Variants in CIMIP5 observed in about 807,000 individuals in gnomAD.
CIMIP5 encodes the protein ciliary microtubule inner protein 5, also known as uncharacterized protein C2orf50.
At chr2:11,139,080 G>C in the CIMIP5 span, among the ~76,000 whole-genome samples, 1 of 151,942 alleles carries the variant, frequency 6.6e-6, no homozygotes, top group Non-Finnish European at 1.5e-5. Context: ...ACCATGCCCG[G>C]CTAATTTTTG....
chr2:11,148,966 G>A, the CIMIP5 span, among the ~76,000 whole-genome samples: 7 of 151,192 alleles, frequency 4.6e-5, no homozygotes, highest in East Asian at 3.9e-4. Flanking sequence ...ACTCCTGACC[G>A]CAGGTGATCC....
At chr2:11,144,437 G>A in the CIMIP5 span, 4 of 194,210 alleles carry the variant, frequency 2.1e-5, no homozygotes, top group Middle Eastern at 3.8e-3. Flanking sequence ...TGACCCTGAT[G>A]AGCTGTGGGA....
the CIMIP5 span, chr2:11,133,280 G>GCT: frequency 7.8e-7 from 1 of 1,282,336 alleles, no homozygotes; most frequent in Non-Finnish European, 1.0e-6. Flanking sequence ...CTCAGGCACA[G>GCT]GTCTCTCTCT....
chr2:11,137,110 C>T, the CIMIP5 span, among the ~76,000 whole-genome samples: 4 of 152,224 alleles, frequency 2.6e-5, no homozygotes, highest in African/African-American at 9.6e-5. Context: ...CAATCGCTCA[C>T]ACCTATAATC....
chr2:11,151,309 A>G, the CIMIP5 span, among the ~76,000 whole-genome samples: 1 of 152,240 alleles, frequency 6.6e-6, no homozygotes, highest in Non-Finnish European at 1.5e-5. Context: ...AAACTTTTAA[A>G]TTGCTTGAGA....
At chr2:11,151,654 C>T in the CIMIP5 span, among the ~76,000 whole-genome samples, 88 of 152,220 alleles carry the variant, frequency 5.8e-4, no homozygotes, top group Non-Finnish European at 6.3e-4. Flanking sequence ...TGGTTTTAGA[C>T]GGAGTCTCGC....
chr2:11,142,158 C>T, the CIMIP5 span, among the ~76,000 whole-genome samples: 10 of 150,526 alleles, frequency 6.6e-5, no homozygotes, highest in East Asian at 1.2e-3. Context: ...TCCAGCTACT[C>T]GGGAGGCTGA....
the CIMIP5 span, among the ~76,000 whole-genome samples, chr2:11,137,451 GA>G: frequency 6.6e-6 from 1 of 152,138 alleles, no homozygotes; most frequent in African/African-American, 2.4e-5. Context: ...ACTGAAGTGA[GA>G]CTTCATAAAC....
At chr2:11,135,611 A>G in the CIMIP5 span, among the ~76,000 whole-genome samples, 6 of 146,570 alleles carry the variant, frequency 4.1e-5, no homozygotes. Flanking sequence ...TTGTATTTTT[A>G]GTAGAGACAG....
At chr2:11,141,208 A>G in the CIMIP5 span, among the ~76,000 whole-genome samples, 5 of 141,366 alleles carry the variant, frequency 3.5e-5, no homozygotes, top group Non-Finnish European at 6.0e-5. Flanking sequence ...GGCTCACTGC[A>G]ATCTCCACCT....
the CIMIP5 span, among the ~76,000 whole-genome samples, chr2:11,142,386 A>T: frequency 6.6e-6 from 1 of 152,030 alleles, no homozygotes; most frequent in African/African-American, 2.4e-5. Flanking sequence ...GAAAGTTTTA[A>T]TGCCTGCATT....
chr2:11,138,324 A>G, the CIMIP5 span, among the ~76,000 whole-genome samples: 5 of 152,244 alleles, frequency 3.3e-5, no homozygotes, highest in African/African-American at 1.2e-4. Flanking sequence ...AAGGTTGTAC[A>G]AGAACAGAAT....
At chr2:11,133,477 C>A in the CIMIP5 span, 13 of 1,607,840 alleles carry the variant, frequency 8.1e-6, no homozygotes, top group African/African-American at 1.3e-5. Context: ...GGCTGCCAGG[C>A]CCCCCAGGCT....
At chr2:11,138,850 C>T in the CIMIP5 span, among the ~76,000 whole-genome samples, 2 of 152,202 alleles carry the variant, frequency 1.3e-5, no homozygotes, top group Non-Finnish European at 2.9e-5. Context: ...CAGATGCCAG[C>T]ATCCTGCTTC....
chr2:11,148,730 C>CTTTTTTTTTTT, the CIMIP5 span, among the ~76,000 whole-genome samples: 19 of 63,862 alleles, frequency 3.0e-4, 2 homozygotes, highest in African/African-American at 1.4e-3. Flanking sequence ...CTAATGAAAA[C>CTTTTTTTTTTT]TCTTTTTTTT....
At chr2:11,144,229 A>C in the CIMIP5 span, 2 of 794,062 alleles carry the variant, frequency 2.5e-6, no homozygotes, top group South Asian at 5.3e-5. Context: ...CACTGTCTGT[A>C]AGCTGCAGGA....
At chr2:11,153,545 G>T in the CIMIP5 span, among the ~76,000 whole-genome samples, 6 of 152,238 alleles carry the variant, frequency 3.9e-5, 1 homozygote, top group Non-Finnish European at 7.3e-5. Flanking sequence ...CCACCTCCTT[G>T]CATCAAGGGA....
At chr2:11,138,057 G>C in the CIMIP5 span, among the ~76,000 whole-genome samples, 1 of 152,156 alleles carries the variant, frequency 6.6e-6, no homozygotes, top group Admixed American at 6.5e-5. Flanking sequence ...TGTTAGCCAG[G>C]ATGGTCTCGA....
At chr2:11,133,601 T>G in the CIMIP5 span, 1 of 1,577,438 alleles carries the variant, frequency 6.3e-7, no homozygotes, top group South Asian at 1.1e-5. Context: ...GGTGAGTACC[T>G]GCCCTCCCTT....
Sources: allele counts gnomAD v4.1 joint callset (sites outside exome capture counted in the v4.1 genomes callset), GRCh38; gene constraint gnomAD v4.1.1; transcripts MANE v1.5; gene names NCBI Gene and HGNC (gene_info 2026-07-23, HGNC 2026-07-21).